Variants in SMIM35 observed in about 807,000 individuals in gnomAD.
SMIM35 encodes small integral membrane protein 35, also known as TMPRSS4 antisense RNA 1 (non-protein coding).
At chr11:118,012,851 G>GCTTT (rs1329944061) in intron 4 of SMIM35, among the ~76,000 whole-genome samples, 1 of 152,206 alleles carries the variant, frequency 6.6e-6, no homozygotes, top group African/African-American at 2.4e-5. Context: ...GCTATGAGTG[G>GCTTT]CTTTCTGGCC....
intron 1 of SMIM35, among the ~76,000 whole-genome samples, chr11:118,062,701 C>T (rs1397857551): frequency 6.6e-6 from 1 of 152,204 alleles, no homozygotes; most frequent in Admixed American, 6.5e-5. Context: ...GAGTTTCTGC[C>T]TCTTCGTTGA....
At chr11:118,017,830 G>A (rs1429666296) in intron 1 of SMIM35, among the ~76,000 whole-genome samples, 1 of 152,190 alleles carries the variant, frequency 6.6e-6, no homozygotes, top group Non-Finnish European at 1.5e-5. Flanking sequence ...GCAGGAAGGA[G>A]AAGAGTGCCA....
chr11:118,037,537 G>A (rs1345033477), intron 1 of SMIM35, among the ~76,000 whole-genome samples: 2 of 152,130 alleles, frequency 1.3e-5, no homozygotes, highest in Non-Finnish European at 2.9e-5. Flanking sequence ...TCTCAGTGAC[G>A]ATTCTGGATT....
At chr11:118,051,779 C>G (rs1944218242) in intron 1 of SMIM35, among the ~76,000 whole-genome samples, 1 of 152,156 alleles carries the variant, frequency 6.6e-6, no homozygotes, top group African/African-American at 2.4e-5. Flanking sequence ...TACAGTGACA[C>G]ATTTTCCTGT....
chr11:118,014,221 G>A lies in SMIM35; in HGVS notation c.159-341C>T, dbSNP rs114649685. ...TGAAATGCTTGAAGACAGAGACTAT[G>A]CCCAGTCATCTTTGTACTCTTTGAA... On this transcript the variant is annotated intron_variant, in intron 3 of 4. Transcript: ENST00000689828. 2.4e-3 allele frequency among the ~76,000 whole-genome samples: 362 copies of A among 152,264 alleles called. 3 individuals carry two copies. The highest frequency in any genetic ancestry group is 8.2e-3 in the African/African-American group (341 of 41,540).
rs1384133794 is a variant in SMIM35 at position 118,022,265 on chromosome 11, G to A, written c.8-6456C>T. Among the ~76,000 whole-genome samples, 10 of 152,124 alleles carry A rather than the reference G, an allele frequency of 6.6e-5. No individual in the cohort carries two copies. In the South Asian group the frequency reaches 8.3e-4, roughly 13 times the overall value. On this transcript the variant is annotated intron_variant, in intron 1 of 4. Coordinates refer to ENST00000689828, the MANE Select transcript of SMIM35 (RefSeq NM_001394165.1). The stretch of plus-strand genomic sequence containing the variant: ...AGGGTTTCACCATGTTGGCCAGGAT[G>A]GTCTTGATCTCTTGACCTCATGATC...
At chr11:118,029,913 A>G (rs776814182) in intron 1 of SMIM35, 12 of 391,740 alleles carry the variant, frequency 3.1e-5, no homozygotes, top group Non-Finnish European at 5.6e-5. Flanking sequence ...TCAGTTACCT[A>G]GTTAACAGCT....
intron 4 of SMIM35, among the ~76,000 whole-genome samples, chr11:118,007,162 TA>T (rs2058126312): frequency 7.3e-6 from 1 of 136,718 alleles, no homozygotes; most frequent in Admixed American, 7.6e-5. Flanking sequence ...GAGGGAGAAG[TA>T]GGTTCTTGGG....
At chr11:118,056,280 G>A (rs768020116) in intron 1 of SMIM35, among the ~76,000 whole-genome samples, 1 of 152,170 alleles carries the variant, frequency 6.6e-6, no homozygotes, top group Non-Finnish European at 1.5e-5. Flanking sequence ...GAGAGATGAT[G>A]GGAGCCTGAC....
intron 1 of SMIM35, among the ~76,000 whole-genome samples, chr11:118,078,166 G>A (rs1193721467): frequency 6.6e-6 from 1 of 152,056 alleles, no homozygotes; most frequent in Non-Finnish European, 1.5e-5. Flanking sequence ...AATACCTGGA[G>A]CGTCTTCGCT....
At chr11:118,083,455 G>C (rs1021302913) in intron 1 of SMIM35, among the ~76,000 whole-genome samples, 2 of 152,084 alleles carry the variant, frequency 1.3e-5, no homozygotes, top group African/African-American at 4.8e-5. Flanking sequence ...CTGAAGCCAA[G>C]CCCCGGGGCC....
At chr11:118,025,806 T>G (rs56137014) in intron 1 of SMIM35, 1 of 444,568 alleles carries the variant, frequency 2.2e-6, no homozygotes, top group Non-Finnish European at 4.5e-6. Flanking sequence ...ATCAGGTCCC[T>G]TTTGTCAGTT....
chr11:118,052,245 T>C (rs1944228682), intron 1 of SMIM35, among the ~76,000 whole-genome samples: 1 of 152,070 alleles, frequency 6.6e-6, no homozygotes, highest in East Asian at 1.9e-4. Flanking sequence ...AAACTCAGAC[T>C]CCAGTTTCCC....
rs190770524 is a variant in SMIM35, at chr11:118,073,249, T to G, written c.7+13502A>C. On this transcript the variant is annotated intron_variant, in intron 1 of 4. Coordinates refer to ENST00000689828, the MANE Select transcript of SMIM35 (RefSeq NM_001394165.1). ...CACTGCGCCCAGCCAGGATTATCTC[T>G]TAATCTTCATAACAACCCTATGAGG... Among the ~76,000 whole-genome samples, 65 of 152,346 alleles carry G rather than the reference T, an allele frequency of 4.3e-4. No homozygotes were observed. In the East Asian group the frequency reaches 0.012, roughly 27 times the overall value.
At chr11:118,058,931 G>A (rs1210387293) in intron 1 of SMIM35, among the ~76,000 whole-genome samples, 2 of 152,234 alleles carry the variant, frequency 1.3e-5, no homozygotes, top group Non-Finnish European at 2.9e-5. Flanking sequence ...AAGGGCAAGA[G>A]GGGCAAGCGA....
At chr11:118,027,059 C>A (rs529044046) in intron 1 of SMIM35, among the ~76,000 whole-genome samples, 1 of 115,676 alleles carries the variant, frequency 8.6e-6, no homozygotes, top group Non-Finnish European at 1.6e-5. Context: ...CTCGCTCTGT[C>A]GCCCAGGCCG....
At chr11:118,077,342 G>A (rs1479657756) in intron 1 of SMIM35, 12 of 1,580,668 alleles carry the variant, frequency 7.6e-6, no homozygotes, top group Non-Finnish European at 1.0e-5. Flanking sequence ...GACACAGGAA[G>A]GGTGGGTCTC....
chr11:118,030,456 C>T (rs2058308792), intron 1 of SMIM35, among the ~76,000 whole-genome samples: 1 of 152,088 alleles, frequency 6.6e-6, no homozygotes. Flanking sequence ...TTTAACAACC[C>T]AAGATGTTCA....
At chr11:118,047,836 C>T (rs1006982935) in intron 1 of SMIM35, among the ~76,000 whole-genome samples, 1 of 152,222 alleles carries the variant, frequency 6.6e-6, no homozygotes, top group African/African-American at 2.4e-5. Flanking sequence ...TGACCCTCCA[C>T]ATTTGTCCCA....
Sources: allele counts gnomAD v4.1 joint callset (sites outside exome capture counted in the v4.1 genomes callset), GRCh38; gene constraint gnomAD v4.1.1; transcripts MANE v1.5; gene names NCBI Gene and HGNC (gene_info 2026-07-23, HGNC 2026-07-21).